PRKN: variants seen among roughly 807,000 people sequenced by gnomAD.
The protein encoded by PRKN is parkin RBR E3 ubiquitin protein ligase.
Under a neutral mutation model 59.5 loss-of-function variants are expected in PRKN, and 56 were observed. The observed-to-expected ratio is 0.94, with a 90% CI of 0.76 to 1.18. PRKN has a LOEUF of 1.18. PRKN is among the 50% of genes most tolerant of loss of function. The pLI is 0.00. For missense variants in PRKN, 657 were observed against 596.4 expected (o/e 1.10, Z -1.06); for synonymous variants, 250 against 222.1 (o/e 1.13, Z -1.12).
At chr6:162,030,818 C>A (rs144095296) in intron 5 of PRKN, among the ~76,000 whole-genome samples, 1,830 of 152,236 alleles carry the variant, frequency 0.012, 34 homozygotes, top group African/African-American at 0.041. Context: ...GGACACCCTC[C>A]TGGAGAATTA....
At chr6:162,439,826 A>C (rs1271891641) in intron 2 of PRKN, among the ~76,000 whole-genome samples, 2 of 152,138 alleles carry the variant, frequency 1.3e-5, no homozygotes, top group Admixed American at 1.3e-4. Context: ...TATTATAAGC[A>C]TACAGTACAT....
intron 11 of PRKN, among the ~76,000 whole-genome samples, chr6:161,351,574 C>G (rs985576486): frequency 1.3e-5 from 2 of 152,170 alleles, no homozygotes; most frequent in Non-Finnish European, 2.9e-5. Context: ...ATCCTCCCGC[C>G]TCGGCCTCCC....
rs367630947 is a variant in PRKN at position 162,456,948 on chromosome 6, A to T, written c.8-13475T>A. ...GCTTGGGGCCATTTCGAACAATGAA[A>T]TCACCAATAAAAAGCACCAAAATAT... On this transcript the variant is annotated intron_variant, in intron 1 of 11. Coordinates refer to ENST00000366898, the MANE Select transcript of PRKN (RefSeq NM_004562.3). Among the ~76,000 whole-genome samples the T allele has an allele frequency of 3.9e-5, 6 of 152,322 alleles. No individual in the cohort carries two copies. In the East Asian group the frequency reaches 9.6e-4, roughly 24 times the overall value.
At chr6:161,750,371 T>C (rs529710177) in intron 7 of PRKN, among the ~76,000 whole-genome samples, 48 of 152,262 alleles carry the variant, frequency 3.2e-4, no homozygotes, top group South Asian at 6.2e-4. Flanking sequence ...GAATAATTGT[T>C]GAAACTAATG....
In PRKN at chr6:161,401,983, G is replaced by A. The variant is rs1429905751; in HGVS notation, c.1084-15106C>T. On this transcript the variant is annotated intron_variant, in intron 9 of 11. Transcript: ENST00000366898. This position sits in a 1 kb window ranked among gnomAD's most constrained non-coding sequence, Gnocchi z 4.4. ...CTCTTAAAGAAGGTTCCCAGCTTGG[G>A]GCTGGGTAATAATGGTGAGAGCATT... is the stretch of plus-strand genomic sequence containing the variant. Among the ~76,000 whole-genome samples the A allele has an allele frequency of 6.6e-6, 1 of 152,150 alleles. No individual in the cohort carries two copies. The highest frequency in any genetic ancestry group is 1.5e-5 in the Non-Finnish European group (1 of 68,014).
chr6:162,272,555 G>T (rs1232486123), intron 2 of PRKN, among the ~76,000 whole-genome samples: 2 of 152,044 alleles, frequency 1.3e-5, no homozygotes, highest in African/African-American at 4.8e-5. Context: ...CAGGCACGTC[G>T]GGGAGGTCAG....
At chr6:162,590,792 C>T (rs1781273834) in intron 1 of PRKN, among the ~76,000 whole-genome samples, 1 of 152,250 alleles carries the variant, frequency 6.6e-6, no homozygotes, top group African/African-American at 2.4e-5. Context: ...AAAAACAAAA[C>T]ACCGCCATGA....
chr6:162,284,321 T>C (rs1583314465), intron 2 of PRKN, among the ~76,000 whole-genome samples: 2 of 146,402 alleles, frequency 1.4e-5, no homozygotes, highest in Non-Finnish European at 3.0e-5. Flanking sequence ...ACCTCTCGGG[T>C]TCAAGTGATT....
chr6:162,425,007 T>A (rs2128160641), intron 2 of PRKN, among the ~76,000 whole-genome samples: 1 of 151,696 alleles, frequency 6.6e-6, no homozygotes, highest in East Asian at 1.9e-4. Context: ...AGAACTAAAA[T>A]CCTTATGTAG....
chr6:161,375,857 G>A (rs973654273), intron 10 of PRKN, among the ~76,000 whole-genome samples: 3 of 152,210 alleles, frequency 2.0e-5, no homozygotes, highest in Admixed American at 6.5e-5. Context: ...TGTCGCAGCC[G>A]TTCCATCCCA....
intron 1 of PRKN, among the ~76,000 whole-genome samples, chr6:162,607,011 C>A (rs1442697753): frequency 6.6e-6 from 1 of 152,120 alleles, no homozygotes; most frequent in African/African-American, 2.4e-5. Flanking sequence ...TGGTGCCCAG[C>A]CCGGTTATTT....
chr6:161,918,221 A>G (rs1389721093), intron 6 of PRKN, among the ~76,000 whole-genome samples: 1 of 152,220 alleles, frequency 6.6e-6, no homozygotes, highest in African/African-American at 2.4e-5. Flanking sequence ...CATATTTACC[A>G]TGGAAACAAC....
chr6:161,952,171 C>T (rs899715249), intron 6 of PRKN, among the ~76,000 whole-genome samples: 2 of 151,950 alleles, frequency 1.3e-5, no homozygotes, highest in African/African-American at 4.8e-5. Flanking sequence ...ATTGAGGGTG[C>T]CACCCTCTGT....
intron 6 of PRKN, among the ~76,000 whole-genome samples, chr6:161,961,515 T>A (rs1780375794): frequency 6.6e-6 from 1 of 152,168 alleles, no homozygotes; most frequent in African/African-American, 2.4e-5. Flanking sequence ...GGGGAAAACT[T>A]AGCCTAAAGA....
At chr6:162,172,028 G>C (rs1275896604) in intron 4 of PRKN, among the ~76,000 whole-genome samples, 1 of 152,182 alleles carries the variant, frequency 6.6e-6, no homozygotes, top group East Asian at 1.9e-4. Context: ...CAAGAGGCCT[G>C]CCTCATTAAG....
chr6:161,810,160 G>T (rs1791501398), intron 6 of PRKN, among the ~76,000 whole-genome samples: 1 of 152,100 alleles, frequency 6.6e-6, no homozygotes, highest in Admixed American at 6.5e-5. Context: ...AATTCAACAT[G>T]ACTGGAGTCC....
intron 7 of PRKN, among the ~76,000 whole-genome samples, chr6:161,719,980 G>A (rs371733254): frequency 3.3e-5 from 5 of 152,244 alleles, no homozygotes; most frequent in East Asian, 3.9e-4. Context: ...AGTCTTTCTC[G>A]TGTAACTCCA....
chr6:162,232,949 T>C (rs1778485177), intron 3 of PRKN, among the ~76,000 whole-genome samples: 1 of 152,100 alleles, frequency 6.6e-6, no homozygotes, highest in African/African-American at 2.4e-5. Context: ...AAAGTCATGG[T>C]AAATAATTGA....
chr6:162,114,461 T>A (rs1169580246), intron 4 of PRKN, among the ~76,000 whole-genome samples: 3 of 151,856 alleles, frequency 2.0e-5, no homozygotes, highest in Non-Finnish European at 4.4e-5. Context: ...CTAGGTATTT[T>A]ATTCTCTTTG....
Sources: gnomAD v4.1 joint callset for allele counts (sites outside exome capture counted in the v4.1 genomes callset) on GRCh38, gnomAD v4.1.1 for gene constraint, Gnocchi (gnomAD v3.1) non-coding constraint, MANE v1.5 for transcripts, NCBI Gene and HGNC (gene_info 2026-07-23, HGNC 2026-07-21) for gene names.